ANKDD1B: variants seen among roughly 807,000 people sequenced by gnomAD.
ANKDD1B encodes ankyrin repeat and death domain containing 1B.
A neutral mutation model predicts 59.7 loss-of-function variants in ANKDD1B; 57 were observed. The observed-to-expected ratio is 0.95, with a 90% confidence interval of 0.77 to 1.19. The LOEUF (loss-of-function observed/expected upper bound fraction) is 1.19. Ranked by LOEUF, ANKDD1B falls within the 50% of genes most tolerant of loss-of-function variation. ANKDD1B has a pLI of 0.00. For synonymous variants in ANKDD1B, 216 were observed against 239.5 expected (o/e 0.90, Z 0.91); for missense variants, 602 against 641.9 (o/e 0.94, Z 0.67).
chr5:75,670,812 A>T (rs1775456775), intron 13 of ANKDD1B, among the ~76,000 whole-genome samples, 167 bp from the exon 14 acceptor site: 1 of 152,186 alleles, frequency 6.6e-6, no homozygotes, highest in South Asian at 2.1e-4. Flanking sequence ...ACCTCGAGCA[A>T]GTTCTATGAC....
At chr5:75,659,921 CTTCA>C (rs1775081629) in intron 10 of ANKDD1B, among the ~76,000 whole-genome samples, 1 of 151,728 alleles carries the variant, frequency 6.6e-6, no homozygotes, top group African/African-American at 2.4e-5. Context: ...TGGAGAGTTT[CTTCA>C]TTCTTTTTTT....
chr5:75,623,212 T>C (rs1773902992), intron 3 of ANKDD1B, among the ~76,000 whole-genome samples: 1 of 151,974 alleles, frequency 6.6e-6, no homozygotes, highest in Non-Finnish European at 1.5e-5. Context: ...ATTACAGGCA[T>C]GCGCCACCAT....
At position 75,666,850 on chromosome 5, in the gene ANKDD1B, A is replaced by C; in HGVS notation, c.1250A>C (p.Asp417Ala). Residue 417 changes from aspartate to alanine, a missense_variant, in exon 12 of 14, where the codon GAT becomes GCT. This residue lies in a region of ANKDD1B where 280 missense variants were observed against 319.8 expected (regional missense o/e 0.88). Transcript: ENST00000601380. Reference protein sequence around the residue: ...STGFTLTFKQDHSLETRHIRT... With the variant: ...STGFTLTFKQAHSLETRHIRT... ...GGCTTTACTCTGACATTCAAGCAAG[A>C]TCACAGTCTGGAGACCAGACACATT... The C allele has an allele frequency of 6.5e-7, 1 of 1,536,092 alleles. No individual in the cohort carries two copies. Among genetic ancestry groups the C allele is most frequent in the Admixed American group, 2.0e-5 (1 of 51,002 alleles).
chr5:75,625,008 A>G (rs1254022102), intron 3 of ANKDD1B, among the ~76,000 whole-genome samples: 1 of 152,168 alleles, frequency 6.6e-6, no homozygotes, highest in Admixed American at 6.5e-5. Flanking sequence ...TCCTATGTTG[A>G]TAGGCTTTTA....
chr5:75,663,043 G>A (rs1182053319), intron 10 of ANKDD1B, among the ~76,000 whole-genome samples: 4 of 152,116 alleles, frequency 2.6e-5, no homozygotes, highest in Non-Finnish European at 5.9e-5. Context: ...AGAAAAGAAG[G>A]AAAATGCCAT....
chr5:75,650,492 G>T (rs1371763841), intron 7 of ANKDD1B, among the ~76,000 whole-genome samples: 2 of 152,090 alleles, frequency 1.3e-5, no homozygotes, highest in African/African-American at 4.8e-5. Flanking sequence ...AGCCCAGTGG[G>T]ATCCATTTCG....
chr5:75,654,145 G>C lies in ANKDD1B; in HGVS notation c.897+905G>C, dbSNP rs11955568. On this transcript the variant is annotated intron_variant, in intron 8 of 13. Coordinates refer to ENST00000601380, the MANE Select transcript of ANKDD1B (RefSeq NM_001276713.2). ...TCTGCTCTGACCCTTGCTGGCCTCC[G>C]ACAGTCTCTGACTTACTCAGCTGTG... Among the ~76,000 whole-genome samples, 370 of 152,226 alleles carry C rather than the reference G, an allele frequency of 2.4e-3. 1 individual carries two copies. Among genetic ancestry groups the C allele is most frequent in the African/African-American group, 8.1e-3 (338 of 41,512 alleles).
intron 9 of ANKDD1B, among the ~76,000 whole-genome samples, chr5:75,657,075 A>G (rs1360290435): frequency 6.6e-6 from 1 of 152,182 alleles, no homozygotes; most frequent in Non-Finnish European, 1.5e-5. Flanking sequence ...AAAAAAACCA[A>G]TCTCCTTTTG....
chr5:75,665,759 G>A (rs1775289670), intron 11 of ANKDD1B, among the ~76,000 whole-genome samples: 1 of 152,168 alleles, frequency 6.6e-6, no homozygotes, highest in Non-Finnish European at 1.5e-5. Flanking sequence ...TTCTGATGCT[G>A]TGAAGGATCC....
chr5:75,642,595 T>C, intron 7 of ANKDD1B, among the ~76,000 whole-genome samples: 3 of 135,116 alleles, frequency 2.2e-5, no homozygotes, highest in African/African-American at 9.5e-5. Context: ...CAGAGGGTCC[T>C]ACACCCACGG....
At chr5:75,662,724 C>T (rs1001115346) in intron 10 of ANKDD1B, among the ~76,000 whole-genome samples, 1 of 152,022 alleles carries the variant, frequency 6.6e-6, no homozygotes, top group Non-Finnish European at 1.5e-5. Flanking sequence ...TCTAAGTTAC[C>T]ATGTGGGCTC....
intron 7 of ANKDD1B, among the ~76,000 whole-genome samples, chr5:75,642,046 T>G (rs1366463406): frequency 1.3e-5 from 2 of 152,178 alleles, no homozygotes; most frequent in African/African-American, 4.8e-5. Flanking sequence ...GTTGCAATAT[T>G]GAACATGTTA....
chr5:75,649,257 A>G (rs933174052), intron 7 of ANKDD1B, among the ~76,000 whole-genome samples: 10 of 143,112 alleles, frequency 7.0e-5, no homozygotes, highest in South Asian at 2.2e-4. Flanking sequence ...TTATTTGGCT[A>G]TGACAGACTC....
chr5:75,652,263 T>C (rs549435129), intron 7 of ANKDD1B, among the ~76,000 whole-genome samples: 2 of 152,302 alleles, frequency 1.3e-5, no homozygotes, highest in African/African-American at 4.8e-5. Context: ...CATTAGAGTT[T>C]CAACATATGA....
intron 9 of ANKDD1B, among the ~76,000 whole-genome samples, chr5:75,656,604 C>G (rs986301405): frequency 2.6e-5 from 4 of 152,194 alleles, no homozygotes; most frequent in African/African-American, 9.7e-5. Flanking sequence ...TCAACTGGAG[C>G]AGAATCAAAT....
chr5:75,659,460 T>C, intron 10 of ANKDD1B, 79 bp downstream of exon 10: 3 of 990,420 alleles, frequency 3.0e-6, no homozygotes, highest in Non-Finnish European at 4.6e-6. Context: ...TGAGCAGCGT[T>C]ATTGGAATAT....
intron 12 of ANKDD1B, among the ~76,000 whole-genome samples, chr5:75,668,667 C>T (rs1435853760): frequency 6.6e-6 from 1 of 152,220 alleles, no homozygotes; most frequent in Non-Finnish European, 1.5e-5. Flanking sequence ...TATCCCGGTA[C>T]TTCCCCCAAC....
chr5:75,663,641 C>G (rs1775222849), intron 11 of ANKDD1B, among the ~76,000 whole-genome samples, 152 bp downstream of exon 11: 1 of 152,254 alleles, frequency 6.6e-6, no homozygotes, highest in Admixed American at 6.5e-5. Context: ...TGTGCTGCCC[C>G]CATTCGTGGA....
chr5:75,670,754 G>T (rs1359134489), intron 13 of ANKDD1B, among the ~76,000 whole-genome samples: 1 of 152,174 alleles, frequency 6.6e-6, no homozygotes, highest in Non-Finnish European at 1.5e-5. Flanking sequence ...CTGACGCAAG[G>T]CTGTGTGAGC....
Sources: gnomAD v4.1 joint callset for allele counts (sites outside exome capture counted in the v4.1 genomes callset) on GRCh38, gnomAD v4.1.1 for gene constraint, gnomAD v4.1.1 regional missense constraint, MANE v1.5 for transcripts, NCBI Gene and HGNC (gene_info 2026-07-23, HGNC 2026-07-21) for gene names.